Variants in TGFBR3 observed in about 807,000 individuals in gnomAD.
TGFBR3 encodes transforming growth factor beta receptor 3.
In TGFBR3, 46 loss-of-function variants were observed where a neutral mutation model predicts 87.9. The observed-to-expected ratio is 0.52, with a 90% confidence interval of 0.41 to 0.67. TGFBR3 has a LOEUF of 0.67. TGFBR3 is among the 30% of genes least tolerant of loss of function. The pLI, the probability that TGFBR3 is intolerant of heterozygous loss-of-function variation, is 0.00. For missense variants in TGFBR3, 866 were observed against 1,041.9 expected (o/e 0.83, Z 2.32); for synonymous variants, 381 against 391.6 (o/e 0.97, Z 0.32).
At chr1:91,733,833 A>C (rs1672858193) in intron 5 of TGFBR3, among the ~76,000 whole-genome samples, 3 of 152,168 alleles carry the variant, frequency 2.0e-5, no homozygotes, top group Admixed American at 2.0e-4. Context: ...CCAGCAGTTC[A>C]AAACCAGCCT....
At chr1:91,769,091 C>T (rs1674284052) in intron 3 of TGFBR3, among the ~76,000 whole-genome samples, 1 of 152,162 alleles carries the variant, frequency 6.6e-6, no homozygotes, top group Non-Finnish European at 1.5e-5. Context: ...TAAGACTCTA[C>T]TCACATCAGT....
chr1:91,741,387 T>G (rs1172479106), intron 4 of TGFBR3, among the ~76,000 whole-genome samples: 4 of 151,722 alleles, frequency 2.6e-5, no homozygotes, highest in African/African-American at 9.7e-5. Flanking sequence ...AGAGCGCCAC[T>G]CCCCCACGCC....
At chr1:91,886,616 A>G (rs1048396312), upstream of TGFBR3, among the ~76,000 whole-genome samples, 14 of 152,142 alleles carry the variant, frequency 9.2e-5, no homozygotes, top group African/African-American at 3.4e-4. Flanking sequence ...GAAACCTCAG[A>G]TAATCTGATC....
intron 2 of TGFBR3, among the ~76,000 whole-genome samples, chr1:91,840,034 G>T (rs1198201409): frequency 6.6e-6 from 1 of 151,954 alleles, no homozygotes; most frequent in African/African-American, 2.4e-5. Flanking sequence ...CTCTGGCCAG[G>T]CACGGTGGCT....
intron 1 of TGFBR3, among the ~76,000 whole-genome samples, chr1:91,885,068 A>G (rs1679241319): frequency 6.6e-6 from 1 of 152,358 alleles, no homozygotes; most frequent in South Asian, 2.1e-4. Flanking sequence ...AAATCATTAG[A>G]TGCTCACAGC....
At chr1:91,849,894 A>ACT in intron 2 of TGFBR3, among the ~76,000 whole-genome samples, 1 of 152,138 alleles carries the variant, frequency 6.6e-6, no homozygotes, top group Non-Finnish European at 1.5e-5. Context: ...CATCCTGGCT[A>ACT]ACACGGTGAA....
intron 14 of TGFBR3, among the ~76,000 whole-genome samples, chr1:91,698,563 G>T (rs1481317999): frequency 2.0e-5 from 3 of 149,024 alleles, no homozygotes. Context: ...CAGGCTGGAG[G>T]GCAGTGGCGC....
In TGFBR3 at chr1:91,784,383, A is replaced by G. The variant is rs1188176785; in HGVS notation, c.246+12904T>C. Among the ~76,000 whole-genome samples, 12 of 152,166 alleles carry G rather than the reference A, an allele frequency of 7.9e-5. No individual in the cohort carries two copies. The East Asian group carries it at 2.3e-3, about 29-fold the overall frequency. On this transcript the variant is annotated intron_variant, in intron 3 of 16. Transcript: ENST00000212355. ...ATAACATCCTTGGTGCCATGCAATA[A>G]CCCAATTTGCATAATGCAAAAAAAG...
At chr1:91,842,177 C>T (rs1677313621) in intron 2 of TGFBR3, among the ~76,000 whole-genome samples, 1 of 152,046 alleles carries the variant, frequency 6.6e-6, no homozygotes, top group Non-Finnish European at 1.5e-5. Context: ...ACTTGACTCT[C>T]ACGGAGCTTA....
rs576653889 is a variant in TGFBR3, at chr1:91,714,836, T to C, written c.1866+1400A>G. Reference sequence around the variant, plus strand: ...CTTAGGAAAAGCATGTAGAAGGCAGTATATTTTCCCCAATGGAGAAAGAAG... The same window carrying C: ...CTTAGGAAAAGCATGTAGAAGGCAGCATATTTTCCCCAATGGAGAAAGAAG... On this transcript the variant is annotated intron_variant, in intron 12 of 16. Coordinates refer to ENST00000212355, the MANE Select transcript of TGFBR3 (RefSeq NM_003243.5). Among the ~76,000 whole-genome samples, 6 of 152,258 alleles carry C rather than the reference T, an allele frequency of 3.9e-5. No homozygotes were observed. The South Asian group carries it at 1.0e-3, about 26-fold the overall frequency.
At chr1:91,726,715 A>G (rs1002230426) in intron 7 of TGFBR3, among the ~76,000 whole-genome samples, 4 of 148,520 alleles carry the variant, frequency 2.7e-5, no homozygotes, top group Admixed American at 6.9e-5. Flanking sequence ...AACCAAGGGC[A>G]TCCCTCTCCC....
intron 3 of TGFBR3, among the ~76,000 whole-genome samples, chr1:91,780,638 C>T (rs1674727253): frequency 6.9e-6 from 1 of 145,414 alleles, no homozygotes; most frequent in Admixed American, 7.1e-5. Flanking sequence ...TGGCTCACTG[C>T]AACCTCTGCC....
chr1:91,783,024 A>C (rs1291423378), intron 3 of TGFBR3, among the ~76,000 whole-genome samples: 1 of 152,240 alleles, frequency 6.6e-6, no homozygotes, highest in Non-Finnish European at 1.5e-5. Context: ...GTGTGTACAC[A>C]TGTATCAACA....
Position 91,734,863 on chromosome 1 carries a change from A to G in TGFBR3, c.481T>C (p.Leu161=), listed in dbSNP as rs1202233548. The G allele has an allele frequency of 3.1e-6, 5 of 1,614,064 alleles. No homozygotes were observed. The highest frequency in any genetic ancestry group is 4.2e-6 in the Non-Finnish European group (5 of 1,180,020). The change falls in exon 5 of 17, where the codon TTA becomes CTA. Residue 161 remains leucine, a synonymous_variant. Coordinates refer to ENST00000212355, the MANE Select transcript of TGFBR3 (RefSeq NM_003243.5). ...CCATACTCTTTTCGGGCCCAATTTA[A>G]CAGATGTTCATTTCCATGGGGGAAG... ...RNFPHGNEHL[L]NWARKEYGAV...
At chr1:91,809,749 T>C (rs1209233234) in intron 2 of TGFBR3, among the ~76,000 whole-genome samples, 1 of 152,206 alleles carries the variant, frequency 6.6e-6, no homozygotes, top group Non-Finnish European at 1.5e-5. Flanking sequence ...AGGTCCCAAT[T>C]ATAAGACTAA....
At chr1:91,785,874 C>T (rs1038357347) in intron 3 of TGFBR3, among the ~76,000 whole-genome samples, 1 of 151,768 alleles carries the variant, frequency 6.6e-6, no homozygotes, top group Non-Finnish European at 1.5e-5. Flanking sequence ...TCAAGTGATC[C>T]TCCTGCCTCA....
At chr1:91,856,085 C>T (rs779209460) in intron 2 of TGFBR3, among the ~76,000 whole-genome samples, 9 of 151,942 alleles carry the variant, frequency 5.9e-5, no homozygotes, top group African/African-American at 1.9e-4. Flanking sequence ...TTTTTTGAGA[C>T]GGAGTTTGGC....
chr1:91,868,340 G>A (rs978138917), intron 1 of TGFBR3, among the ~76,000 whole-genome samples: 2 of 152,166 alleles, frequency 1.3e-5, no homozygotes, highest in African/African-American at 4.8e-5. Context: ...GTTGTTTATA[G>A]CAAATTTTGT....
At chr1:91,853,458 T>C (rs1236623064) in intron 2 of TGFBR3, among the ~76,000 whole-genome samples, 1 of 151,926 alleles carries the variant, frequency 6.6e-6, no homozygotes, top group East Asian at 1.9e-4. Flanking sequence ...AGGAGATAAC[T>C]ATGGCAGAAC....
Sources: gnomAD v4.1 joint callset for allele counts (sites outside exome capture counted in the v4.1 genomes callset) on GRCh38, gnomAD v4.1.1 for gene constraint, MANE v1.5 for transcripts, NCBI Gene and HGNC (gene_info 2026-07-23, HGNC 2026-07-21) for gene names.